Variants in BICC1 observed in about 807,000 individuals in gnomAD.
The protein encoded by BICC1 is BicC family RNA binding protein 1.
In BICC1, 43 loss-of-function variants were observed where a neutral mutation model predicts 111.0. The ratio of observed to expected loss-of-function variants is 0.39; its 90% confidence interval spans 0.30 to 0.50. The LOEUF is 0.50. BICC1 is among the 20% of genes least tolerant of loss of function. The probability of loss-of-function intolerance (pLI) is 0.88; values close to 1 mark genes in which losing one functional copy is unlikely to be tolerated. For synonymous variants in BICC1, 467 were observed against 434.4 expected (o/e 1.07, Z -0.93); for missense variants, 1,091 against 1,203.2 (o/e 0.91, Z 1.38).
intron 3 of BICC1, among the ~76,000 whole-genome samples, chr10:58,784,456 C>T (rs1398636634): frequency 6.6e-6 from 1 of 152,080 alleles, no homozygotes; most frequent in African/African-American, 2.4e-5. Flanking sequence ...GTGGTGATGT[C>T]TTTTAAATGA....
At chr10:58,676,733 C>T (rs1477824838) in intron 2 of BICC1, among the ~76,000 whole-genome samples, 1 of 152,154 alleles carries the variant, frequency 6.6e-6, no homozygotes, top group Admixed American at 6.5e-5. Flanking sequence ...GGTCTCTGAC[C>T]CCCCCGTGCC....
chr10:58,645,053 C>T (rs1416746588), intron 2 of BICC1, among the ~76,000 whole-genome samples: 1 of 152,110 alleles, frequency 6.6e-6, no homozygotes, highest in Non-Finnish European at 1.5e-5. Context: ...CCAATACACA[C>T]CCTCTTTCTT....
intron 1 of BICC1, among the ~76,000 whole-genome samples, chr10:58,541,587 A>C (rs977593587): frequency 1.3e-5 from 2 of 152,138 alleles, no homozygotes; most frequent in African/African-American, 2.4e-5. Context: ...TTCTGTGTTC[A>C]TGGTTTGGAA....
chr10:58,798,697 T>TGATATGTA (rs1843438888), intron 11 of BICC1, 137 bp downstream of exon 11: 3 of 791,418 alleles, frequency 3.8e-6, no homozygotes, highest in Non-Finnish European at 5.7e-6. Flanking sequence ...AGAAATTCCC[T>TGATATGTA]GATATGTAAA....
intron 11 of BICC1, among the ~76,000 whole-genome samples, chr10:58,798,796 AG>A (rs879526231): frequency 1.3e-5 from 2 of 152,188 alleles, no homozygotes; most frequent in African/African-American, 2.4e-5. Flanking sequence ...CCTGGTAGTT[AG>A]GTTCTAGTTG....
chr10:58,583,506 G>A (rs1481879890), intron 1 of BICC1, among the ~76,000 whole-genome samples: 8 of 151,804 alleles, frequency 5.3e-5, no homozygotes, highest in African/African-American at 1.9e-4. Flanking sequence ...ACTTAGAACT[G>A]TGGTCTCTAA....
intron 3 of BICC1, among the ~76,000 whole-genome samples, chr10:58,770,987 AAG>A (rs1842609380): frequency 6.6e-6 from 1 of 152,228 alleles, no homozygotes; most frequent in South Asian, 2.1e-4. Context: ...TACTGTGTCA[AAG>A]ACACTGCTAA....
intron 1 of BICC1, among the ~76,000 whole-genome samples, chr10:58,601,309 A>G (rs1362605906): frequency 6.6e-6 from 1 of 151,354 alleles, no homozygotes; most frequent in Non-Finnish European, 1.5e-5. Context: ...CATGTTTCAC[A>G]TGTAATTTTA....
chr10:58,660,533 C>G (rs1838808563), intron 2 of BICC1, among the ~76,000 whole-genome samples: 1 of 151,712 alleles, frequency 6.6e-6, no homozygotes. Flanking sequence ...TAACCAAATA[C>G]TTTAGTGTAC....
At chr10:58,725,162 A>G (rs1366202364) in intron 3 of BICC1, among the ~76,000 whole-genome samples, 2 of 152,176 alleles carry the variant, frequency 1.3e-5, no homozygotes, top group Non-Finnish European at 2.9e-5. Flanking sequence ...TACTGGCATA[A>G]TAACATGCAC....
intron 1 of BICC1, among the ~76,000 whole-genome samples, chr10:58,608,490 C>T (rs1845307170): frequency 6.6e-6 from 1 of 152,172 alleles, no homozygotes; most frequent in African/African-American, 2.4e-5. Context: ...ATTCCCTTTC[C>T]CCATGTCCTC....
chr10:58,557,615 A>G (rs1554805852), intron 1 of BICC1, among the ~76,000 whole-genome samples: 7 of 151,872 alleles, frequency 4.6e-5, no homozygotes, highest in Non-Finnish European at 2.9e-5. Context: ...CCAATCTCAC[A>G]TTTTTTTCTC....
Position 58,619,790 on chromosome 10 carries a change from T to C in BICC1, c.191-1065T>C, listed in dbSNP as rs139318087. On this transcript the variant is annotated intron_variant, in intron 1 of 20. Transcript: ENST00000373886. ...ATTATGGTAGATGCTTGTCAAAACT[T>C]GCTAAGTGACAAATGTGATTCTTAA... 3.9e-4 allele frequency among the ~76,000 whole-genome samples: 59 copies of C among 152,336 alleles called. No individual in the cohort carries two copies. In the East Asian group the frequency reaches 0.011, roughly 27 times the overall value.
intron 20 of BICC1, among the ~76,000 whole-genome samples, chr10:58,826,736 G>T (rs1000610074): frequency 6.6e-6 from 1 of 152,190 alleles, no homozygotes; most frequent in Non-Finnish European, 1.5e-5. Context: ...TCCAGCCTGG[G>T]CTATAGAGCG....
intron 2 of BICC1, among the ~76,000 whole-genome samples, chr10:58,674,522 T>G (rs1839280869): frequency 6.6e-6 from 1 of 152,220 alleles, no homozygotes; most frequent in African/African-American, 2.4e-5. Flanking sequence ...CTGTTCTTTC[T>G]CTGGCTTTTC....
intron 3 of BICC1, among the ~76,000 whole-genome samples, chr10:58,770,258 T>C (rs1842587652): frequency 6.6e-6 from 1 of 152,134 alleles, no homozygotes; most frequent in South Asian, 2.1e-4. Flanking sequence ...AGAATTTCTA[T>C]TGAGTCATAA....
At chr10:58,600,543 ACTTTT>A (rs1205809881) in intron 1 of BICC1, among the ~76,000 whole-genome samples, 1 of 152,142 alleles carries the variant, frequency 6.6e-6, no homozygotes, top group Non-Finnish European at 1.5e-5. Context: ...TGGAAATGAA[ACTTTT>A]CTTTACTAGA....
At chr10:58,627,581 AC>A (rs1365977383) in intron 2 of BICC1, among the ~76,000 whole-genome samples, 2 of 152,214 alleles carry the variant, frequency 1.3e-5, no homozygotes, top group African/African-American at 4.8e-5. Flanking sequence ...TAATATGCAA[AC>A]GTAAACATTT....
rs1016652214 is a variant in BICC1, at chr10:58,789,442, A to G, written c.781A>G (p.Thr261Ala). Residue 261 changes from threonine (T) to alanine (A), a missense_variant, in exon 7 of 21, where the codon ACT (threonine) becomes GCT (alanine). Around this residue, in one of 3 missense-constraint regions of BICC1, gnomAD observed 843 missense variants for 900.8 expected, o/e 0.94. Coordinates refer to ENST00000373886, the MANE Select transcript of BICC1 (RefSeq NM_001080512.3). ...TVIVRGSQNN[T>A]SAVKEGTAML... ...CATAGTACGAGGGTCTCAGAATAAC[A>G]CTAGTGCTGTGAAGGTAAATTATTC... The G allele has an allele frequency of 6.2e-7, 1 of 1,612,764 alleles. No homozygotes were observed. The highest frequency in any genetic ancestry group is 8.5e-7 in the Non-Finnish European group (1 of 1,179,300).
Sources: gnomAD v4.1 joint callset for allele counts (sites outside exome capture counted in the v4.1 genomes callset) on GRCh38, gnomAD v4.1.1 for gene constraint, gnomAD v4.1.1 regional missense constraint, MANE v1.5 for transcripts, NCBI Gene and HGNC (gene_info 2026-07-23, HGNC 2026-07-21) for gene names.